ARHGEF28: variants seen among roughly 807,000 people sequenced by gnomAD.
ARHGEF28 encodes the protein Rho guanine nucleotide exchange factor 28.
ARHGEF28 carries 152 observed loss-of-function variants against 206.6 expected under a neutral mutation model. The observed-to-expected ratio is 0.74, with a 90% confidence interval of 0.64 to 0.84. The LOEUF (loss-of-function observed/expected upper bound fraction) is 0.84, where lower values mean the gene tolerates loss of function less well. Ranked by LOEUF, ARHGEF28 falls within the 40% of genes least tolerant of loss-of-function variation. The pLI, the probability that ARHGEF28 is intolerant of heterozygous loss-of-function variation, is 0.00. For synonymous variants in ARHGEF28, 763 were observed against 776.4 expected, an observed-to-expected ratio of 0.98 and a Z score of 0.29; for missense variants, 2,028 against 2,073.2, an observed-to-expected ratio of 0.98 and a Z score of 0.42.
chr5:73,758,111 C>A (rs922363218), intron 4 of ARHGEF28, among the ~76,000 whole-genome samples: 30 of 152,132 alleles, frequency 2.0e-4, no homozygotes, highest in African/African-American at 6.3e-4. Context: ...CTTGCCAACA[C>A]CAGTGAGGGG....
chr5:73,747,527 G>T (rs73762200), intron 2 of ARHGEF28, among the ~76,000 whole-genome samples: 12,899 of 152,106 alleles, frequency 0.085, 1,805 homozygotes, highest in African/African-American at 0.29. Flanking sequence ...GAAAATGTCC[G>T]TGTTATTTCA....
chr5:73,757,506 C>A lies in ARHGEF28; in HGVS notation c.475+4304C>A, dbSNP rs546941349. On this transcript the variant is annotated intron_variant, in intron 4 of 35. Transcript: ENST00000513042. ...TGTATTCTTTGCATTTTATAATGAA[C>A]TTCTCATTTTTTTCCCTTGTCAATC... 8.5e-5 allele frequency among the ~76,000 whole-genome samples: 13 copies of A among 152,228 alleles called. No individual in the cohort carries two copies. In the East Asian group the frequency reaches 2.5e-3, roughly 29 times the overall value.
At chr5:73,717,501 C>T (rs1277664390) in intron 2 of ARHGEF28, among the ~76,000 whole-genome samples, 2 of 152,044 alleles carry the variant, frequency 1.3e-5, no homozygotes, top group East Asian at 1.9e-4. Flanking sequence ...ATAATATTTG[C>T]GAAAACTGTA....
intron 22 of ARHGEF28, among the ~76,000 whole-genome samples, chr5:73,878,625 G>A (rs1760694324): frequency 6.7e-6 from 1 of 149,778 alleles, no homozygotes; most frequent in Non-Finnish European, 1.5e-5. Context: ...GCCTGGTGGT[G>A]ACAAAATCTC....
At chr5:73,856,911 C>T (rs1480412693) in intron 14 of ARHGEF28, among the ~76,000 whole-genome samples, 5 of 152,090 alleles carry the variant, frequency 3.3e-5, no homozygotes, top group Admixed American at 6.5e-5. Flanking sequence ...ATAAGATTAT[C>T]AGAGGAAGCT....
chr5:73,720,919 T>A (rs1182427159), intron 2 of ARHGEF28, among the ~76,000 whole-genome samples: 1 of 152,210 alleles, frequency 6.6e-6, no homozygotes, highest in African/African-American at 2.4e-5. Flanking sequence ...ATCTGAAAGA[T>A]CCATGCCTGT....
At chr5:73,672,002 C>A (rs1283923742) in intron 1 of ARHGEF28, among the ~76,000 whole-genome samples, 1 of 151,548 alleles carries the variant, frequency 6.6e-6, no homozygotes, top group Non-Finnish European at 1.5e-5. Context: ...GGTGATCCAC[C>A]CGCCTTGGCC....
intron 29 of ARHGEF28, among the ~76,000 whole-genome samples, chr5:73,895,149 G>A (rs186124044): frequency 2.0e-5 from 3 of 152,234 alleles, no homozygotes; most frequent in Admixed American, 2.0e-4. Flanking sequence ...GAGTGGAGGA[G>A]GGACTTGACT....
chr5:73,803,573 G>T, intron 9 of ARHGEF28: 1 of 164,016 alleles, frequency 6.1e-6, no homozygotes, highest in South Asian at 1.8e-4. Flanking sequence ...TGACAGAGGA[G>T]AACTTGAAGA....
At chr5:73,699,661 C>T (rs1748474190) in intron 2 of ARHGEF28, among the ~76,000 whole-genome samples, 2 of 152,094 alleles carry the variant, frequency 1.3e-5, no homozygotes, top group Non-Finnish European at 2.9e-5. Context: ...ATCTGGGTTA[C>T]TGAAACAATA....
intron 1 of ARHGEF28, among the ~76,000 whole-genome samples, chr5:73,677,361 G>C (rs1473546752): frequency 6.6e-6 from 1 of 152,156 alleles, no homozygotes; most frequent in Non-Finnish European, 1.5e-5. Context: ...GCGGAATATT[G>C]AGCAAGGTGC....
intron 26 of ARHGEF28, among the ~76,000 whole-genome samples, chr5:73,888,538 C>G (rs1459020412): frequency 6.6e-6 from 1 of 152,170 alleles, no homozygotes; most frequent in Non-Finnish European, 1.5e-5. Context: ...GAACAGGAAA[C>G]AAATTCACAT....
At chr5:73,780,335 T>C (rs1561398638) in intron 6 of ARHGEF28, 1 of 258,168 alleles carries the variant, frequency 3.9e-6, no homozygotes, top group East Asian at 9.0e-5. Flanking sequence ...AGGTGGCAGA[T>C]GCACAGGCCA....
chr5:73,910,555 C>T (rs1215177571), intron 34 of ARHGEF28, among the ~76,000 whole-genome samples: 1 of 151,990 alleles, frequency 6.6e-6, no homozygotes, highest in African/African-American at 2.4e-5. Flanking sequence ...TGCTCTTTTT[C>T]CAGTATTTGA....
chr5:73,790,046 A>T (rs1317998047), intron 7 of ARHGEF28, among the ~76,000 whole-genome samples: 1 of 152,220 alleles, frequency 6.6e-6, no homozygotes, highest in Non-Finnish European at 1.5e-5. Flanking sequence ...AAGAGTAGGC[A>T]CACCATGGAG....
intron 7 of ARHGEF28, among the ~76,000 whole-genome samples, chr5:73,781,550 A>G (rs1580609824): frequency 6.6e-6 from 1 of 152,062 alleles, no homozygotes; most frequent in Non-Finnish European, 1.5e-5. Flanking sequence ...ATGCAAATTA[A>G]TTTTGGTCTT....
intron 31 of ARHGEF28, chr5:73,903,311 C>G (rs952689122): frequency 2.0e-5 from 3 of 152,022 alleles, no homozygotes; most frequent in African/African-American, 2.4e-5. Context: ...AGTGGGTGAT[C>G]GATATTTATT....
At chr5:73,743,446 A>G (rs1284956084) in intron 2 of ARHGEF28, among the ~76,000 whole-genome samples, 3 of 152,104 alleles carry the variant, frequency 2.0e-5, no homozygotes, top group African/African-American at 4.8e-5. Flanking sequence ...ATTTTATCCT[A>G]TCTGGAGATG....
rs186333367 is a variant in ARHGEF28, at chr5:73,767,240, A to G, written c.476-6615A>G. 1.1e-4 allele frequency among the ~76,000 whole-genome samples: 17 copies of G among 152,284 alleles called. No individual in the cohort carries two copies. The East Asian group carries it at 3.3e-3, about 29-fold the overall frequency. ...CAGCAGCATGAAAATGGATTAATAGAGTAAATTGGTACCACTAGAGTGGGG... is the reference window on the plus strand; with the variant it reads ...CAGCAGCATGAAAATGGATTAATAGGGTAAATTGGTACCACTAGAGTGGGG... On this transcript the variant is annotated intron_variant, in intron 4 of 35. Coordinates refer to ENST00000513042, the MANE Select transcript of ARHGEF28 (RefSeq NM_001177693.2).
Sources: gnomAD v4.1 joint callset for allele counts (sites outside exome capture counted in the v4.1 genomes callset) on GRCh38, gnomAD v4.1.1 for gene constraint, MANE v1.5 for transcripts, NCBI Gene and HGNC (gene_info 2026-07-23, HGNC 2026-07-21) for gene names.